Variants in PTPRR observed in about 807,000 individuals in gnomAD.
PTPRR encodes the protein receptor-type tyrosine-protein phosphatase R.
Under a neutral mutation model 77.2 loss-of-function variants are expected in PTPRR, and 38 were observed. The ratio of observed to expected loss-of-function variants is 0.49; its 90% CI spans 0.38 to 0.65. PTPRR has a LOEUF of 0.65. PTPRR is among the 30% of genes least tolerant of loss of function. The pLI, the probability that PTPRR is intolerant of heterozygous loss-of-function variation, is 0.00. For missense variants in PTPRR, 744 were observed against 799.2 expected (o/e 0.93, Z 0.83); for synonymous variants, 299 against 283.1 (o/e 1.06, Z -0.57).
chr12:70,647,739 TA>T, intron 13 of PTPRR, among the ~76,000 whole-genome samples: 1 of 152,258 alleles, frequency 6.6e-6, no homozygotes, highest in Non-Finnish European at 1.5e-5. Context: ...AGTTTAGTAC[TA>T]ATGTTATGGA....
intron 2 of PTPRR, among the ~76,000 whole-genome samples, chr12:70,817,363 A>C (rs940084009): frequency 6.6e-6 from 1 of 152,170 alleles, no homozygotes; most frequent in Non-Finnish European, 1.5e-5. Flanking sequence ...ATATTAAGTA[A>C]TAGTATTGTA....
At chr12:70,856,426 C>G (rs889636312) in intron 2 of PTPRR, among the ~76,000 whole-genome samples, 1 of 152,010 alleles carries the variant, frequency 6.6e-6, no homozygotes, top group African/African-American at 2.4e-5. Flanking sequence ...GACTTCTATG[C>G]CAGTAGTTCA....
chr12:70,893,342 T>G (rs1474260407), intron 1 of PTPRR, among the ~76,000 whole-genome samples: 2 of 152,006 alleles, frequency 1.3e-5, no homozygotes, highest in East Asian at 3.9e-4. Context: ...ATAAATATTT[T>G]TATCATATTT....
intron 2 of PTPRR, among the ~76,000 whole-genome samples, chr12:70,836,298 A>C (rs1892301751): frequency 6.8e-6 from 1 of 146,694 alleles, no homozygotes; most frequent in African/African-American, 2.6e-5. Flanking sequence ...CAGTATCTCA[A>C]GACATGTGTT....
chr12:70,805,423 A>C (rs895663157), intron 2 of PTPRR, among the ~76,000 whole-genome samples: 4 of 151,992 alleles, frequency 2.6e-5, no homozygotes, highest in Admixed American at 2.6e-4. Context: ...TGAAGCCTGG[A>C]GTCAGCTATG....
intron 8 of PTPRR, among the ~76,000 whole-genome samples, chr12:70,688,440 G>GA (rs1453814798): frequency 2.6e-5 from 4 of 151,980 alleles, no homozygotes; most frequent in African/African-American, 9.7e-5. Flanking sequence ...ACAGATCTAC[G>GA]AAAAAATGTT....
At chr12:70,916,892 T>C (rs1893783136) in intron 1 of PTPRR, among the ~76,000 whole-genome samples, 1 of 152,178 alleles carries the variant, frequency 6.6e-6, no homozygotes, top group Non-Finnish European at 1.5e-5. Flanking sequence ...AACACAGAAA[T>C]TTGAAAGAAC....
At chr12:70,751,334 C>G (rs1366779518) in intron 5 of PTPRR, among the ~76,000 whole-genome samples, 3 of 152,160 alleles carry the variant, frequency 2.0e-5, no homozygotes, top group African/African-American at 7.2e-5. Flanking sequence ...CCACCCACCC[C>G]TGTTCTATGC....
At chr12:70,856,233 ATGT>A (rs1728979470) in intron 2 of PTPRR, among the ~76,000 whole-genome samples, 1 of 152,180 alleles carries the variant, frequency 6.6e-6, no homozygotes, top group African/African-American at 2.4e-5. Context: ...CATCTAATTA[ATGT>A]TGTCTATGGT....
chr12:70,711,072 A>G (rs1261861735), intron 6 of PTPRR, among the ~76,000 whole-genome samples: 1 of 152,186 alleles, frequency 6.6e-6, no homozygotes, highest in Non-Finnish European at 1.5e-5. Context: ...TTGCTCTATT[A>G]TAAAGACACA....
chr12:70,813,166 C>T (rs769147520), intron 2 of PTPRR, among the ~76,000 whole-genome samples: 1 of 152,188 alleles, frequency 6.6e-6, no homozygotes, highest in Non-Finnish European at 1.5e-5. Context: ...CAAGCACATA[C>T]ATTCATCATC....
intron 6 of PTPRR, among the ~76,000 whole-genome samples, chr12:70,708,815 AAC>A (rs142909764): frequency 0.074 from 6,551 of 88,784 alleles, 467 homozygotes; most frequent in African/African-American, 0.2. Context: ...TACAAATACA[AAC>A]ACACACACAC....
intron 2 of PTPRR, among the ~76,000 whole-genome samples, chr12:70,770,951 C>T (rs1303558214): frequency 7.5e-6 from 1 of 133,606 alleles, no homozygotes; most frequent in Non-Finnish European, 1.5e-5. Context: ...GGGAATTGAA[C>T]AATGAGAACT....
chr12:70,711,578 C>T (rs533733313), intron 6 of PTPRR, among the ~76,000 whole-genome samples: 6 of 152,056 alleles, frequency 3.9e-5, no homozygotes, highest in East Asian at 3.9e-4. Flanking sequence ...AGTTTATCTA[C>T]GTAACAAACC....
intron 8 of PTPRR, among the ~76,000 whole-genome samples, chr12:70,694,723 C>T (rs974672206): frequency 7.9e-5 from 12 of 152,104 alleles, no homozygotes; most frequent in African/African-American, 2.7e-4. Context: ...CTCTGGGTGT[C>T]ATGCCGTCAG....
chr12:70,665,484 C>T (rs934102563), intron 10 of PTPRR, among the ~76,000 whole-genome samples: 3 of 143,744 alleles, frequency 2.1e-5, no homozygotes, highest in Admixed American at 7.5e-5. Context: ...CGGGTTCAAG[C>T]GATTCTCCCG....
chr12:70,639,802 C>T (rs1885930477), intron 13 of PTPRR: 1 of 152,542 alleles, frequency 6.6e-6, no homozygotes. Flanking sequence ...ATACATTTGG[C>T]TTAAAATTGA....
rs575766854 is a variant in PTPRR, at chr12:70,728,166, C to T, written c.1007+17652G>A. Among the ~76,000 whole-genome samples, 20 of 148,656 alleles carry T rather than the reference C, an allele frequency of 1.3e-4. No homozygotes were observed. The East Asian group carries it at 2.5e-3, about 18-fold the overall frequency. On this transcript the variant is annotated intron_variant, in intron 6 of 13. Transcript: ENST00000283228. Reference sequence around the variant, plus strand: ...GTTGAGTATCCCTGTATCCCTTATCCGAAATGCTTGGGACCAGAAGTGTTT... The same window carrying T: ...GTTGAGTATCCCTGTATCCCTTATCTGAAATGCTTGGGACCAGAAGTGTTT...
intron 2 of PTPRR, among the ~76,000 whole-genome samples, chr12:70,801,645 G>A (rs1356809153): frequency 6.6e-6 from 1 of 152,098 alleles, no homozygotes; most frequent in Non-Finnish European, 1.5e-5. Flanking sequence ...TACTCAGACT[G>A]GAACTATACT....
Sources: allele counts gnomAD v4.1 joint callset (sites outside exome capture counted in the v4.1 genomes callset), GRCh38; gene constraint gnomAD v4.1.1; transcripts MANE v1.5; gene names NCBI Gene and HGNC (gene_info 2026-07-23, HGNC 2026-07-21).